The following SIPA1L2 variants were observed in gnomAD, a reference collection of about 807,000 sequenced individuals.
SIPA1L2 encodes the protein signal-induced proliferation-associated 1-like protein 2.
In SIPA1L2, 56 loss-of-function variants were observed where a neutral mutation model predicts 163.9. That is an observed-to-expected ratio of 0.34 (90% CI 0.28 to 0.43). The LOEUF is 0.43. SIPA1L2 is among the 20% of genes least tolerant of loss of function. SIPA1L2 has a pLI of 1.00. For missense variants in SIPA1L2, 1,974 were observed against 2,193.5 expected, an observed-to-expected ratio of 0.90 and a Z score of 2.00; for synonymous variants, 877 against 865.7, an observed-to-expected ratio of 1.01 and a Z score of -0.23.
intron 15 of SIPA1L2, among the ~76,000 whole-genome samples, chr1:232,436,547 G>A (rs1194345760): frequency 2.6e-5 from 4 of 152,176 alleles, no homozygotes; most frequent in Admixed American, 1.3e-4. Flanking sequence ...AGTAGGCCTC[G>A]GCTTGAGGGG....
chr1:232,593,623 T>C (rs1055030368), intron 1 of SIPA1L2, among the ~76,000 whole-genome samples: 14 of 152,272 alleles, frequency 9.2e-5, no homozygotes, highest in Admixed American at 1.3e-4. Flanking sequence ...ATCCAAACTA[T>C]CTATAAAATG....
At position 232,615,179 on chromosome 1, in the gene SIPA1L2, T is replaced by C. The variant is rs571028556; in HGVS notation, c.-319+14690A>G. Among the ~76,000 whole-genome samples the C allele has an allele frequency of 2.0e-5, 3 of 152,258 alleles. No individual in the cohort carries two copies. In the South Asian group the frequency reaches 6.2e-4, roughly 32 times the overall value. On this transcript the variant is annotated intron_variant, in intron 1 of 22. Transcript: ENST00000674635. Reference sequence around the variant, plus strand: ...GCCCAAGAATGGTGGCCACACTCCATCTCCTGCCCCTGACACCATGGTGCA... The same window carrying C: ...GCCCAAGAATGGTGGCCACACTCCACCTCCTGCCCCTGACACCATGGTGCA...
chr1:232,604,013 C>T (rs1351995758), intron 1 of SIPA1L2, among the ~76,000 whole-genome samples: 1 of 152,094 alleles, frequency 6.6e-6, no homozygotes, highest in Non-Finnish European at 1.5e-5. Context: ...CTTTTTAAGA[C>T]CTGCTGAATG....
chr1:232,522,764 G>A (rs1406786644), intron 2 of SIPA1L2, among the ~76,000 whole-genome samples: 1 of 152,138 alleles, frequency 6.6e-6, no homozygotes, highest in Admixed American at 6.5e-5. Flanking sequence ...GGGATCTAAA[G>A]CCGTGAAATA....
chr1:232,542,934 T>C lies in SIPA1L2; in HGVS notation c.-269-27326A>G, dbSNP rs575883505. The stretch of plus-strand genomic sequence containing the variant: ...GTTTGTACACACTGGTATTTGCACA[T>C]GACAAAAATCAGGCTTTGCCACCTA... On this transcript the variant is annotated intron_variant, in intron 2 of 22. Transcript: ENST00000674635. 2.1e-4 allele frequency among the ~76,000 whole-genome samples: 32 copies of C among 152,324 alleles called. No homozygotes were observed. In the South Asian group the frequency reaches 6.4e-3, roughly 31 times the overall value.
At chr1:232,610,903 T>C (rs1180821208) in intron 1 of SIPA1L2, among the ~76,000 whole-genome samples, 2 of 152,172 alleles carry the variant, frequency 1.3e-5, no homozygotes, top group Non-Finnish European at 2.9e-5. Flanking sequence ...ATACTAACAA[T>C]AGGCCTGAAA....
intron 2 of SIPA1L2, among the ~76,000 whole-genome samples, chr1:232,570,203 T>C (rs1659638412): frequency 6.6e-6 from 1 of 152,186 alleles, no homozygotes; most frequent in Non-Finnish European, 1.5e-5. Context: ...CTCAGTCACT[T>C]CTCATGATAA....
chr1:232,552,832 C>T (rs1573071753), intron 2 of SIPA1L2, among the ~76,000 whole-genome samples: 1 of 152,226 alleles, frequency 6.6e-6, no homozygotes, highest in Non-Finnish European at 1.5e-5. Flanking sequence ...TCCCTGACCC[C>T]CTTCACTGAA....
At chr1:232,630,307 T>C (rs976584893), upstream of SIPA1L2, among the ~76,000 whole-genome samples, 1 of 151,748 alleles carries the variant, frequency 6.6e-6, no homozygotes, top group Non-Finnish European at 1.5e-5. Flanking sequence ...GGTGCGCTGT[T>C]CCCAGGCCCC....
chr1:232,595,540 G>A (rs898585283), intron 1 of SIPA1L2, among the ~76,000 whole-genome samples: 4 of 152,066 alleles, frequency 2.6e-5, no homozygotes, highest in African/African-American at 2.4e-5. Flanking sequence ...AAGGCCAGGG[G>A]TCCGGACGTT....
At chr1:232,458,047 A>G (rs1199052055) in intron 10 of SIPA1L2, among the ~76,000 whole-genome samples, 1 of 152,242 alleles carries the variant, frequency 6.6e-6, no homozygotes, top group Non-Finnish European at 1.5e-5. Flanking sequence ...TAAAGCCTTC[A>G]TGACCTGCAG....
chr1:232,450,189 T>C (rs1663488385), intron 10 of SIPA1L2, among the ~76,000 whole-genome samples: 1 of 152,236 alleles, frequency 6.6e-6, no homozygotes, highest in Non-Finnish European at 1.5e-5. Context: ...CTCTCTTATT[T>C]AGTTTAAGTT....
chr1:232,562,907 A>G (rs1463175403), intron 2 of SIPA1L2, among the ~76,000 whole-genome samples: 1 of 152,182 alleles, frequency 6.6e-6, no homozygotes, highest in Non-Finnish European at 1.5e-5. Flanking sequence ...CACCTAACAA[A>G]CACCTGCAAG....
chr1:232,586,008 G>T (rs1045893140), intron 1 of SIPA1L2, among the ~76,000 whole-genome samples: 1 of 152,098 alleles, frequency 6.6e-6, no homozygotes, highest in Non-Finnish European at 1.5e-5. Flanking sequence ...AATAGAGTTG[G>T]AATATTTCAA....
chr1:232,520,538 A>G (rs1667417165), intron 2 of SIPA1L2, among the ~76,000 whole-genome samples: 1 of 152,238 alleles, frequency 6.6e-6, no homozygotes, highest in Non-Finnish European at 1.5e-5. Flanking sequence ...GACCAATATT[A>G]GAGTTCTAAT....
At chr1:232,622,265 T>C (rs1662848585) in intron 1 of SIPA1L2, among the ~76,000 whole-genome samples, 2 of 152,340 alleles carry the variant, frequency 1.3e-5, no homozygotes, top group South Asian at 4.1e-4. Flanking sequence ...AAAAGACTTT[T>C]ACCATATAAA....
At chr1:232,435,530 G>A (rs1436021923) in intron 15 of SIPA1L2, among the ~76,000 whole-genome samples, 5 of 152,086 alleles carry the variant, frequency 3.3e-5, no homozygotes, top group East Asian at 1.9e-4. Context: ...TACTGCTGAC[G>A]TCCAGTCATT....
At chr1:232,468,581 A>G (rs1380910567) in intron 8 of SIPA1L2, among the ~76,000 whole-genome samples, 1 of 152,222 alleles carries the variant, frequency 6.6e-6, no homozygotes, top group Non-Finnish European at 1.5e-5. Context: ...TAAAGCTTTT[A>G]TTACCCAAAT....
chr1:232,626,012 G>T (rs961083997), intron 1 of SIPA1L2, among the ~76,000 whole-genome samples: 2 of 152,174 alleles, frequency 1.3e-5, no homozygotes, highest in African/African-American at 4.8e-5. Context: ...CACGAGTGGG[G>T]TAATTTTAAC....
Sources: gnomAD v4.1 joint callset for allele counts (sites outside exome capture counted in the v4.1 genomes callset) on GRCh38, gnomAD v4.1.1 for gene constraint, MANE v1.5 for transcripts, NCBI Gene and HGNC (gene_info 2026-07-23, HGNC 2026-07-21) for gene names.